Variants in CPB2 observed in about 807,000 individuals in gnomAD.
CPB2 encodes carboxypeptidase B-like protein.
Under a neutral mutation model 57.0 loss-of-function variants are expected in CPB2, and 54 were observed. That is an observed-to-expected ratio of 0.95 (90% CI 0.76 to 1.19). CPB2 has a LOEUF of 1.19. CPB2 is among the 50% of genes most tolerant of loss of function. The pLI is 0.00. For synonymous variants in CPB2, 189 were observed against 178.1 expected (o/e 1.06, Z -0.49); for missense variants, 426 against 512.0 (o/e 0.83, Z 1.62).
chr13:46,099,778 A>T, intron 1 of CPB2: 1 of 152,346 alleles, frequency 6.6e-6, no homozygotes, highest in Non-Finnish European at 1.5e-5. Context: ...TAATCCCAGC[A>T]CTTTGGGAGG....
In CPB2 at chr13:46,053,635, C is replaced by A. The variant is rs2044619800; in HGVS notation, c.1251G>T (p.Trp417Cys). 1 of 1,613,692 alleles carries A rather than the reference C, an allele frequency of 6.2e-7. No homozygotes were observed. The highest frequency in any genetic ancestry group is 8.5e-7 in the Non-Finnish European group (1 of 1,179,860). ...GGCATTAAACATTCCTAATGACATG[C>A]CAAGCTATTTTAGAGACAGCGGCAA... ...EAFAAVSKIA[W>C]HVIRNV The change falls in exon 11 of 11, where the codon TGG becomes TGT. Residue 417 changes from tryptophan to cysteine, a missense_variant. Trp to Cys is a radical substitution (Grantham distance 215). Coordinates refer to ENST00000181383, the MANE Select transcript of CPB2 (RefSeq NM_001872.5).
intron 2 of CPB2, among the ~76,000 whole-genome samples, chr13:46,085,685 TC>T (rs1452141361): frequency 1.3e-5 from 2 of 152,124 alleles, no homozygotes; most frequent in African/African-American, 4.8e-5. Context: ...CCAACAGCAT[TC>T]CCCTCATCGC....
chr13:46,070,061 T>C (rs1462615965), intron 6 of CPB2, among the ~76,000 whole-genome samples: 1 of 152,248 alleles, frequency 6.6e-6, no homozygotes, highest in Non-Finnish European at 1.5e-5. Flanking sequence ...TTTTTGACTT[T>C]ACAATAGCGC....
At chr13:46,100,187 T>C (rs2045417046) in intron 1 of CPB2, 1 of 152,070 alleles carries the variant, frequency 6.6e-6, no homozygotes, top group African/African-American at 2.4e-5. Context: ...AAATGAGACC[T>C]CTTAAGAAGA....
At chr13:46,079,421 AAAAC>A (rs1274380156) in intron 4 of CPB2, among the ~76,000 whole-genome samples, 4 of 152,042 alleles carry the variant, frequency 2.6e-5, no homozygotes, top group African/African-American at 9.7e-5. Context: ...ATCTGGAGGA[AAAAC>A]AAACAAACTC....
chr13:46,087,074 G>C (rs1197907637), intron 2 of CPB2, among the ~76,000 whole-genome samples: 2 of 152,218 alleles, frequency 1.3e-5, no homozygotes, highest in Non-Finnish European at 2.9e-5. Context: ...CAGCTGGGCA[G>C]CTGCAGCTGC....
At chr13:46,069,070 T>C (rs181818265) in intron 6 of CPB2, among the ~76,000 whole-genome samples, 1 of 152,332 alleles carries the variant, frequency 6.6e-6, no homozygotes, top group African/African-American at 2.4e-5. Context: ...AATTTCTTTT[T>C]CTGCTTCACT....
At chr13:46,104,344 T>C (rs541983522) in intron 1 of CPB2, among the ~76,000 whole-genome samples, 2 of 152,364 alleles carry the variant, frequency 1.3e-5, no homozygotes, top group South Asian at 4.1e-4. Flanking sequence ...TGGAACTATT[T>C]TCTCCATGCA....
chr13:46,079,049 T>C (rs1027386463), intron 4 of CPB2, 148 bp from the exon 5 acceptor site: 23 of 580,542 alleles, frequency 4.0e-5, no homozygotes, highest in Non-Finnish European at 6.1e-5. Context: ...GGGTGTTTCT[T>C]CTGCTGTTTA....
At position 46,087,801 on chromosome 13, in the gene CPB2, G is replaced by A; in HGVS notation, c.94C>T (p.Leu32Phe). 1 of 1,610,368 alleles carries A rather than the reference G, an allele frequency of 6.2e-7. No individual in the cohort carries two copies. The highest frequency in any genetic ancestry group is 8.5e-7 in the Non-Finnish European group (1 of 1,178,278). ...AFQSGQVLAALPRTSRQVQVL... is the reference protein window; with the variant it reads ...AFQSGQVLAAFPRTSRQVQVL... ...TGAACTTGCCTAGAGGTTCTAGGAA[G>A]AGCAGCTAGAACTTGGCCACTGGGG... Residue 32 changes from leucine (L) to phenylalanine (F), a missense_variant, in exon 2 of 11, where the codon CTT (leucine) becomes TTT (phenylalanine). Transcript: ENST00000181383.
intron 6 of CPB2, 57 bp from the exon 7 acceptor site, chr13:46,067,474 G>A: frequency 2.3e-6 from 2 of 878,020 alleles, no homozygotes; most frequent in Non-Finnish European, 3.7e-6. Flanking sequence ...TAAACTTAGT[G>A]TGTTTCTTTT....
At chr13:46,090,107 T>A (rs187626905) in intron 1 of CPB2, among the ~76,000 whole-genome samples, 15 of 152,270 alleles carry the variant, frequency 9.9e-5, no homozygotes, top group African/African-American at 3.1e-4. Context: ...TCATATTACA[T>A]CCTAATATCT....
At chr13:46,055,701 A>T in intron 10 of CPB2, 61 bp downstream of exon 10, 1 of 978,518 alleles carries the variant, frequency 1.0e-6, no homozygotes, top group Admixed American at 2.2e-5. Flanking sequence ...AAAGAAAAAC[A>T]GATCACACAG....
At chr13:46,104,697 A>C (rs1645251727) in intron 1 of CPB2, among the ~76,000 whole-genome samples, 1 of 152,240 alleles carries the variant, frequency 6.6e-6, no homozygotes, top group Non-Finnish European at 1.5e-5. Flanking sequence ...GGATATGCGT[A>C]TCATCCAAGG....
At chr13:46,074,718 T>C (rs9567612) in intron 5 of CPB2, among the ~76,000 whole-genome samples, 52,280 of 152,054 alleles carry the variant, frequency 0.34, 9,228 homozygotes, top group African/African-American at 0.39. Context: ...TTTTTGGCAC[T>C]AGGGACCAGT....
intron 1 of CPB2, chr13:46,097,118 A>G (rs1239551953): frequency 6.6e-6 from 1 of 152,232 alleles, no homozygotes; most frequent in Admixed American, 6.5e-5. Flanking sequence ...AGGAGCACCC[A>G]CAACAGAATA....
At chr13:46,084,963 G>A (rs1032045299) in intron 2 of CPB2, among the ~76,000 whole-genome samples, 4 of 151,708 alleles carry the variant, frequency 2.6e-5, no homozygotes, top group Non-Finnish European at 5.9e-5. Flanking sequence ...CCATTCTCCT[G>A]CCTCAGCCTC....
chr13:46,065,550 C>T (rs2044841092), intron 7 of CPB2, among the ~76,000 whole-genome samples: 2 of 148,218 alleles, frequency 1.3e-5, no homozygotes, highest in Non-Finnish European at 3.0e-5. Context: ...TGGCATGAAC[C>T]TGGGAGGCGG....
intron 6 of CPB2, among the ~76,000 whole-genome samples, chr13:46,068,685 C>CT (rs1290630879): frequency 1.3e-5 from 2 of 151,994 alleles, no homozygotes; most frequent in Non-Finnish European, 2.9e-5. Context: ...AATGCTCTCC[C>CT]TCCCCTAGCC....
Sources: allele counts gnomAD v4.1 joint callset (sites outside exome capture counted in the v4.1 genomes callset), GRCh38; gene constraint gnomAD v4.1.1; transcripts MANE v1.5; gene names NCBI Gene and HGNC (gene_info 2026-07-23, HGNC 2026-07-21).